The following ABTB3 variants were observed in gnomAD, a reference collection of about 807,000 sequenced individuals.
ABTB3 encodes ankyrin repeat- and BTB/POZ domain-containing protein 3.
At chr12:107,457,992 A>C in the ABTB3 span, among the ~76,000 whole-genome samples, 1 of 152,222 alleles carries the variant, frequency 6.6e-6, no homozygotes, top group African/African-American at 2.4e-5. Flanking sequence ...AGGAATAATA[A>C]CATTGTGAAG....
the ABTB3 span, chr12:107,657,536 T>C: frequency 6.2e-7 from 1 of 1,614,170 alleles, no homozygotes; most frequent in South Asian, 1.1e-5. Context: ...GCTCTCAGCA[T>C]ATTGCGAAGG....
At chr12:107,525,127 C>A in the ABTB3 span, among the ~76,000 whole-genome samples, 4 of 151,800 alleles carry the variant, frequency 2.6e-5, no homozygotes, top group Admixed American at 2.0e-4. Context: ...GGAGTTGAGA[C>A]CATCTTGGGC....
chr12:107,405,788 G>A, the ABTB3 span, among the ~76,000 whole-genome samples: 1 of 152,202 alleles, frequency 6.6e-6, no homozygotes, highest in Non-Finnish European at 1.5e-5. Flanking sequence ...TCTCTTTCCT[G>A]TCCTCCTAGG....
the ABTB3 span, among the ~76,000 whole-genome samples, chr12:107,609,240 T>C: frequency 3.0e-4 from 45 of 152,378 alleles, no homozygotes; most frequent in South Asian, 8.7e-3. Context: ...ATGTTTACTT[T>C]GTGTTTTCAG....
the ABTB3 span, among the ~76,000 whole-genome samples, chr12:107,625,373 G>A: frequency 6.6e-6 from 1 of 152,168 alleles, no homozygotes; most frequent in Non-Finnish European, 1.5e-5. Flanking sequence ...TATTATGGGT[G>A]CTCTTTGATT....
chr12:107,632,175 C>A, the ABTB3 span, among the ~76,000 whole-genome samples: 2 of 152,176 alleles, frequency 1.3e-5, no homozygotes, highest in African/African-American at 4.8e-5. Flanking sequence ...CTGCAGGACA[C>A]CTCTTCCATG....
the ABTB3 span, among the ~76,000 whole-genome samples, chr12:107,568,470 A>G: frequency 6.6e-6 from 1 of 152,186 alleles, no homozygotes; most frequent in Non-Finnish European, 1.5e-5. Context: ...ACTGACCCAA[A>G]AGACATCTCT....
chr12:107,462,582 A>T, the ABTB3 span, among the ~76,000 whole-genome samples: 3 of 151,832 alleles, frequency 2.0e-5, no homozygotes, highest in Non-Finnish European at 2.9e-5. Flanking sequence ...AATGGTGGCG[A>T]TAGTGATTAT....
At chr12:107,577,778 C>A in the ABTB3 span, among the ~76,000 whole-genome samples, 5 of 152,100 alleles carry the variant, frequency 3.3e-5, no homozygotes, top group Non-Finnish European at 7.4e-5. Context: ...TCCAGGGGAG[C>A]TTATTTAAAA....
the ABTB3 span, chr12:107,651,537 G>T: frequency 7.0e-6 from 4 of 569,370 alleles, no homozygotes; most frequent in South Asian, 1.9e-5. Context: ...TTACCTTTGT[G>T]CATCATTTCC....
chr12:107,389,911 C>T, the ABTB3 span, among the ~76,000 whole-genome samples: 2 of 151,340 alleles, frequency 1.3e-5, no homozygotes, highest in Non-Finnish European at 2.9e-5. Flanking sequence ...CCTTCCCTGA[C>T]AGAAAACCAC....
chr12:107,407,665 CT>C, the ABTB3 span, among the ~76,000 whole-genome samples: 2 of 152,154 alleles, frequency 1.3e-5, no homozygotes, highest in African/African-American at 4.8e-5. Context: ...AATAGTTCCC[CT>C]TTAGTGGAAA....
chr12:107,558,459 T>A, the ABTB3 span, among the ~76,000 whole-genome samples: 1 of 152,154 alleles, frequency 6.6e-6, no homozygotes, highest in Admixed American at 6.5e-5. Flanking sequence ...ATTTAGAATA[T>A]CATCCTGAGT....
chr12:107,497,985 G>C, the ABTB3 span, among the ~76,000 whole-genome samples: 2 of 152,290 alleles, frequency 1.3e-5, no homozygotes, highest in African/African-American at 4.8e-5. Context: ...CCTGGAAGCA[G>C]AAGACAGGCT....
At chr12:107,490,711 G>C in the ABTB3 span, among the ~76,000 whole-genome samples, 2 of 152,198 alleles carry the variant, frequency 1.3e-5, no homozygotes, top group Non-Finnish European at 2.9e-5. Flanking sequence ...CAGGCAGGTA[G>C]TGTTGGTCTT....
At chr12:107,377,885 A>G in the ABTB3 span, among the ~76,000 whole-genome samples, 1 of 152,294 alleles carries the variant, frequency 6.6e-6, no homozygotes, top group East Asian at 1.9e-4. Context: ...TGACAGCCCC[A>G]TTCTGGACTT....
chr12:107,655,943 G>A, the ABTB3 span, among the ~76,000 whole-genome samples: 1 of 152,092 alleles, frequency 6.6e-6, no homozygotes, highest in African/African-American at 2.4e-5. Flanking sequence ...ATTCGCTAGT[G>A]TTATTGAGTA....
At chr12:107,429,393 G>A in the ABTB3 span, among the ~76,000 whole-genome samples, 2 of 152,186 alleles carry the variant, frequency 1.3e-5, no homozygotes, top group Non-Finnish European at 2.9e-5. Flanking sequence ...CTCCACCCCT[G>A]TCAATTTAAA....
the ABTB3 span, among the ~76,000 whole-genome samples, chr12:107,438,900 AT>A: frequency 6.6e-6 from 1 of 152,220 alleles, no homozygotes; most frequent in African/African-American, 2.4e-5. Context: ...TTACATGACC[AT>A]TCAAAAAATT....
Sources: gnomAD v4.1 joint callset for allele counts (sites outside exome capture counted in the v4.1 genomes callset) on GRCh38, gnomAD v4.1.1 for gene constraint, MANE v1.5 for transcripts, NCBI Gene and HGNC (gene_info 2026-07-23, HGNC 2026-07-21) for gene names.